Variants in VDAC1 observed in about 807,000 individuals in gnomAD.
VDAC1 encodes non-selective voltage-gated ion channel VDAC1.
In VDAC1, 10 loss-of-function variants were observed where a neutral mutation model predicts 34.7. That is an observed-to-expected ratio of 0.29 (90% CI 0.18 to 0.49). The LOEUF (loss-of-function observed/expected upper bound fraction) is 0.49, where lower values mean the gene tolerates loss of function less well. VDAC1 is among the 20% of genes least tolerant of loss of function. The pLI, the probability that VDAC1 is intolerant of heterozygous loss-of-function variation, is 0.99. For missense variants in VDAC1, 230 were observed against 347.9 expected (o/e 0.66, Z 2.69); for synonymous variants, 130 against 136.0 (o/e 0.96, Z 0.30).
the VDAC1 span, among the ~76,000 whole-genome samples, chr5:134,097,020 G>A: frequency 6.6e-6 from 1 of 152,204 alleles, no homozygotes; most frequent in Non-Finnish European, 1.5e-5. Context: ...TGGTCCCAGC[G>A]CACATCCCTA....
At chr5:133,984,028 CT>C (rs1392718115) in intron 5 of VDAC1, among the ~76,000 whole-genome samples, 3 of 152,068 alleles carry the variant, frequency 2.0e-5, no homozygotes, top group Non-Finnish European at 4.4e-5. Flanking sequence ...AATTGAACCT[CT>C]TTTCTTCATA....
the VDAC1 span, among the ~76,000 whole-genome samples, chr5:134,090,057 T>A: frequency 6.6e-6 from 1 of 152,028 alleles, no homozygotes; most frequent in African/African-American, 2.4e-5. Context: ...AAATTGTTCA[T>A]TCTCAGGCCT....
the VDAC1 span, among the ~76,000 whole-genome samples, chr5:134,034,996 G>C: frequency 6.6e-6 from 1 of 152,070 alleles, no homozygotes; most frequent in African/African-American, 2.4e-5. Context: ...ATGTCTGTCT[G>C]AACATACACT....
the VDAC1 span, among the ~76,000 whole-genome samples, chr5:134,049,450 G>C: frequency 6.6e-6 from 1 of 151,886 alleles, no homozygotes. Flanking sequence ...ATTTTTTATT[G>C]CCATAAATAA....
chr5:134,075,885 C>T, the VDAC1 span, among the ~76,000 whole-genome samples: 8 of 152,148 alleles, frequency 5.3e-5, no homozygotes, highest in Admixed American at 3.9e-4. Context: ...GTGCCCGGCC[C>T]TTGCTACCAT....
At chr5:134,020,176 C>T in the VDAC1 span, among the ~76,000 whole-genome samples, 3 of 151,982 alleles carry the variant, frequency 2.0e-5, no homozygotes, top group Non-Finnish European at 4.4e-5. Context: ...TCTAATGCCA[C>T]TGTTTCGCCA....
the VDAC1 span, among the ~76,000 whole-genome samples, chr5:134,100,923 C>T: frequency 3.3e-5 from 5 of 152,276 alleles, no homozygotes; most frequent in Non-Finnish European, 7.3e-5. Flanking sequence ...GACCTGGGAG[C>T]AGTTGCTGCC....
chr5:134,079,982 G>A, the VDAC1 span, among the ~76,000 whole-genome samples: 1 of 152,254 alleles, frequency 6.6e-6, no homozygotes, highest in Non-Finnish European at 1.5e-5. Context: ...CCCAAAGGCG[G>A]CCTGCGGTGG....
the VDAC1 span, among the ~76,000 whole-genome samples, chr5:134,086,574 C>T: frequency 1.3e-5 from 2 of 152,230 alleles, no homozygotes; most frequent in African/African-American, 4.8e-5. Context: ...AAAGGAAAAA[C>T]AGCTGTTTCT....
At chr5:134,088,534 G>C in the VDAC1 span, among the ~76,000 whole-genome samples, 1 of 152,066 alleles carries the variant, frequency 6.6e-6, no homozygotes, top group East Asian at 1.9e-4. Flanking sequence ...CAGAGAAGGA[G>C]GCAAACTGGG....
the VDAC1 span, among the ~76,000 whole-genome samples, chr5:134,113,512 C>T: frequency 2.0e-5 from 3 of 152,236 alleles, no homozygotes; most frequent in African/African-American, 7.2e-5. Flanking sequence ...GAGGGAGAGG[C>T]GTCCAATACC....
chr5:134,070,141 T>C, the VDAC1 span, among the ~76,000 whole-genome samples: 1 of 152,138 alleles, frequency 6.6e-6, no homozygotes, highest in African/African-American at 2.4e-5. Flanking sequence ...TTTATTCCTT[T>C]ACTTTCTTAT....
At chr5:133,997,694 C>T (rs1753373555) in intron 1 of VDAC1, among the ~76,000 whole-genome samples, 2 of 119,582 alleles carry the variant, frequency 1.7e-5, no homozygotes, top group Admixed American at 1.2e-4. Flanking sequence ...GATGACAGAG[C>T]GAGACTGTCT....
the VDAC1 span, among the ~76,000 whole-genome samples, chr5:134,013,046 A>C: frequency 3.9e-5 from 6 of 152,366 alleles, no homozygotes; most frequent in African/African-American, 1.4e-4. Flanking sequence ...CCATATGCAG[A>C]AGAATGAAAC....
chr5:134,004,675 G>A (rs1443674556), intron 1 of VDAC1: 1 of 151,930 alleles, frequency 6.6e-6, no homozygotes, highest in Non-Finnish European at 1.5e-5. Context: ...GGGCTCGGAG[G>A]CGGCTACGGC....
At chr5:133,988,772 C>CA (rs35793271) in intron 5 of VDAC1, 30,132 of 127,922 alleles carry the variant, frequency 0.24, 3,242 homozygotes, top group East Asian at 0.47. Context: ...CCCCTCAACC[C>CA]AAAAAAAAAA....
chr5:133,988,999 A>G (rs1753003213), intron 5 of VDAC1: 1 of 152,254 alleles, frequency 6.6e-6, no homozygotes, highest in Admixed American at 6.5e-5. Context: ...CCCTGATACC[A>G]TGGCAGAGTT....
chr5:134,043,158 T>C, the VDAC1 span, among the ~76,000 whole-genome samples: 6,067 of 152,314 alleles, frequency 0.04, 172 homozygotes, highest in African/African-American at 0.082. Context: ...GGGTGAATGG[T>C]GGGCCTGTCG....
At chr5:134,078,143 T>C in the VDAC1 span, among the ~76,000 whole-genome samples, 1 of 152,214 alleles carries the variant, frequency 6.6e-6, no homozygotes, top group African/African-American at 2.4e-5. Flanking sequence ...CAGACCGTCC[T>C]TGACTGAGCA....
Sources: allele counts gnomAD v4.1 joint callset (sites outside exome capture counted in the v4.1 genomes callset), GRCh38; gene constraint gnomAD v4.1.1; transcripts MANE v1.5; gene names NCBI Gene and HGNC (gene_info 2026-07-23, HGNC 2026-07-21).